Variants in DZIP1L observed in about 807,000 individuals in gnomAD.
DZIP1L encodes cilium assembly protein DZIP1L.
DZIP1L carries 90 observed loss-of-function variants against 88.7 expected under a neutral mutation model. The observed-to-expected ratio is 1.02, with a 90% CI of 0.86 to 1.21. The LOEUF (loss-of-function observed/expected upper bound fraction) is 1.21. Ranked by LOEUF, DZIP1L falls within the 50% of genes most tolerant of loss-of-function variation. DZIP1L has a pLI of 0.00. For synonymous variants in DZIP1L, 363 were observed against 372.1 expected, an observed-to-expected ratio of 0.98 and a Z score of 0.28; for missense variants, 932 against 955.8, an observed-to-expected ratio of 0.98 and a Z score of 0.33.
intron 5 of DZIP1L, among the ~76,000 whole-genome samples, chr3:138,090,112 C>G (rs1054862686): frequency 1.3e-5 from 2 of 151,444 alleles, no homozygotes; most frequent in African/African-American, 4.9e-5. Context: ...TGCACTCGAG[C>G]CTGGGCAACA....
At chr3:138,110,709 C>T (rs1054854573) in intron 1 of DZIP1L, among the ~76,000 whole-genome samples, 1 of 152,122 alleles carries the variant, frequency 6.6e-6, no homozygotes, top group Non-Finnish European at 1.5e-5. Context: ...CTATCCCTGC[C>T]GTTGTTAATA....
At chr3:138,070,042 G>A (rs1943105137) in intron 12 of DZIP1L, among the ~76,000 whole-genome samples, 1 of 152,168 alleles carries the variant, frequency 6.6e-6, no homozygotes, top group South Asian at 2.1e-4. Flanking sequence ...GTGTGGGAGT[G>A]GGTGGGGCGT....
At chr3:138,070,455 T>C (rs1943124815) in intron 12 of DZIP1L, among the ~76,000 whole-genome samples, 1 of 152,126 alleles carries the variant, frequency 6.6e-6, no homozygotes, top group Non-Finnish European at 1.5e-5. Flanking sequence ...AATATTATAG[T>C]TTCCCAGGTC....
At chr3:138,084,032 GC>G in intron 8 of DZIP1L, 80 bp downstream of exon 8, 1 of 1,558,198 alleles carries the variant, frequency 6.4e-7, no homozygotes, top group Non-Finnish European at 8.7e-7. Flanking sequence ...GCACTGATGA[GC>G]CCAAAAGAAT....
intron 2 of DZIP1L, chr3:138,101,784 G>C: frequency 8.8e-7 from 1 of 1,133,336 alleles, no homozygotes; most frequent in Non-Finnish European, 1.3e-6. Context: ...TGATGTCCAG[G>C]GCCAGCTTGA....
intron 1 of DZIP1L, among the ~76,000 whole-genome samples, chr3:138,106,052 C>A (rs1224100000): frequency 6.8e-6 from 1 of 147,944 alleles, no homozygotes; most frequent in Non-Finnish European, 1.5e-5. Context: ...AAGTGAGAAT[C>A]TGACTAAGGC....
rs144376816 is a variant in DZIP1L at position 138,097,820 on chromosome 3, T to C, written c.529A>G (p.Asn177Asp). Residue 177 changes from asparagine (N) to aspartate (D), a missense_variant, in exon 3 of 16, where the codon AAT (asparagine) becomes GAT (aspartate). Coordinates refer to ENST00000327532, the MANE Select transcript of DZIP1L (RefSeq NM_173543.3). ...TCHLCDKTFM[N>D]ATFLRGHIQR... ...ATGTGGCCCCGGAGAAAGGTGGCAT[T>C]CATGAATGTCTTGTCACACAGGTGG... 1.5e-4 allele frequency: 250 copies of C among 1,613,026 alleles called. No homozygotes were observed. In the African/African-American group the frequency reaches 2.6e-3, roughly 17 times the overall value.
chr3:138,068,433 G>A, intron 12 of DZIP1L, 66 bp from the exon 13 acceptor site: 2 of 1,288,520 alleles, frequency 1.6e-6, no homozygotes, highest in South Asian at 1.7e-5. Context: ...TAAGAGGAGG[G>A]AGAAAGTGGC....
intron 4 of DZIP1L, among the ~76,000 whole-genome samples, chr3:138,093,445 A>G (rs1944327549): frequency 1.3e-5 from 2 of 152,256 alleles, no homozygotes; most frequent in South Asian, 4.1e-4. Context: ...TCACAGTGGC[A>G]AATGAGCATT....
intron 1 of DZIP1L, among the ~76,000 whole-genome samples, chr3:138,109,616 C>G (rs1054092407): frequency 3.3e-5 from 5 of 152,116 alleles, no homozygotes; most frequent in Non-Finnish European, 7.3e-5. Context: ...TGTGTAGGTA[C>G]CCAAAGGATT....
chr3:138,094,949 CTCT>C lies in DZIP1L; in HGVS notation c.618_620del (p.Glu207del). On this transcript the variant is annotated inframe_deletion, in exon 4 of 16. Coordinates refer to ENST00000327532, the MANE Select transcript of DZIP1L (RefSeq NM_173543.3). ...GCTTGGCCCGTAGCTCTTCTAACAC[CTCT>C]TCCACTGGCTGTTCCTGTTTCTTCT... 1 of 1,614,288 alleles carries C rather than the reference CTCT, an allele frequency of 6.2e-7. No individual in the cohort carries two copies. The highest frequency in any genetic ancestry group is 8.5e-7 in the Non-Finnish European group (1 of 1,180,060).
intron 2 of DZIP1L, chr3:138,102,533 G>C: frequency 4.3e-6 from 6 of 1,379,354 alleles, no homozygotes; most frequent in Non-Finnish European, 6.2e-6. Flanking sequence ...GCCGTCTTCT[G>C]CTGCTGCAGG....
chr3:138,092,103 T>G (rs187512877), intron 5 of DZIP1L, among the ~76,000 whole-genome samples: 53 of 152,254 alleles, frequency 3.5e-4, no homozygotes, highest in African/African-American at 1.2e-3. Flanking sequence ...ATACTGTATA[T>G]GTACTAATTT....
chr3:138,076,277 G>C (rs1415122228), intron 11 of DZIP1L, among the ~76,000 whole-genome samples: 1 of 152,198 alleles, frequency 6.6e-6, no homozygotes, highest in African/African-American at 2.4e-5. Context: ...CGTTGACATG[G>C]ATGTGGTGAA....
At position 138,068,180 on chromosome 3, in the gene DZIP1L, G is replaced by C; in HGVS notation, c.1803C>G (p.Ser601Arg). ...TCCCGGGCCCCGAGGAAGGAGGGGT[G>C]CTGGAGGGTCCATGCAGTCCGGGGC... The part of the protein sequence containing the change: ...APRPGLHGPS[S>R]TPPSSGPGMS... The change falls in exon 13 of 16, where the codon AGC (serine) becomes AGG (arginine). Residue 601 changes from serine (S) to arginine (R), a missense_variant. Coordinates refer to ENST00000327532, the MANE Select transcript of DZIP1L (RefSeq NM_173543.3). 1 of 1,559,780 alleles carries C rather than the reference G, an allele frequency of 6.4e-7. No individual in the cohort carries two copies. The highest frequency in any genetic ancestry group is 8.7e-7 in the Non-Finnish European group (1 of 1,150,690).
chr3:138,073,178 AG>A (rs199638098), intron 11 of DZIP1L, among the ~76,000 whole-genome samples: 1,800 of 152,224 alleles, frequency 0.012, 38 homozygotes, highest in African/African-American at 0.041. Context: ...AGGTGTCCCT[AG>A]GGCAAGTAGG....
chr3:138,075,983 T>C (rs1433354510), intron 11 of DZIP1L, among the ~76,000 whole-genome samples: 2 of 151,946 alleles, frequency 1.3e-5, no homozygotes, highest in African/African-American at 4.8e-5. Context: ...AGAGCACAAA[T>C]AGATAATCTA....
chr3:138,105,735 C>T (rs912790543), intron 1 of DZIP1L, among the ~76,000 whole-genome samples: 1 of 151,846 alleles, frequency 6.6e-6, no homozygotes, highest in Non-Finnish European at 1.5e-5. Context: ...CATATATATA[C>T]ACCCATACAC....
chr3:138,103,753 G>C lies in DZIP1L; in HGVS notation c.219C>G (p.Ser73Arg), dbSNP rs767367553. 1.2e-5 allele frequency: 19 copies of C among 1,613,828 alleles called. No individual in the cohort carries two copies. In the Middle Eastern group the frequency reaches 6.6e-4, roughly 56 times the overall value. Residue 73 changes from serine (S) to arginine (R), a missense_variant, in exon 2 of 16, where the codon AGC becomes AGG. Coordinates refer to ENST00000327532, the MANE Select transcript of DZIP1L (RefSeq NM_173543.3). Reference sequence around the variant, plus strand: ...CCGGGTCCACAGGCTGCCCACAGCGGCTGCACACCTCCCGGTCCAAGTTGC... The same window carrying C: ...CCGGGTCCACAGGCTGCCCACAGCGCCTGCACACCTCCCGGTCCAAGTTGC... ...TFCNLDREVC[S>R]RCGQPVDPAL...
Sources: gnomAD v4.1 joint callset for allele counts (sites outside exome capture counted in the v4.1 genomes callset) on GRCh38, gnomAD v4.1.1 for gene constraint, MANE v1.5 for transcripts, NCBI Gene and HGNC (gene_info 2026-07-23, HGNC 2026-07-21) for gene names.